PERP: variants seen among roughly 807,000 people sequenced by gnomAD.
PERP encodes p53 apoptosis effector related to PMP22.
PERP carries 11 observed loss-of-function variants against 20.3 expected under a neutral mutation model. The ratio of observed to expected loss-of-function variants is 0.54; its 90% CI spans 0.34 to 0.90. The LOEUF is 0.90. Among genes scored for constraint, PERP ranks in the 40% least tolerant of loss-of-function variants. PERP has a pLI of 0.02. For synonymous variants in PERP, 101 were observed against 102.0 expected, an observed-to-expected ratio of 0.99 and a Z score of 0.06; for missense variants, 224 against 249.4, an observed-to-expected ratio of 0.90 and a Z score of 0.69.
intron 2 of PERP, among the ~76,000 whole-genome samples, chr6:138,096,011 G>A (rs1051056233): frequency 6.6e-6 from 1 of 152,204 alleles, no homozygotes; most frequent in African/African-American, 2.4e-5. Context: ...CAGCAGGCCA[G>A]GGCTGGGGAC....
intron 2 of PERP, 46 bp from the exon 3 acceptor site, chr6:138,092,314 G>T: frequency 6.8e-7 from 1 of 1,477,922 alleles, no homozygotes; most frequent in Non-Finnish European, 9.4e-7. Context: ...ATACATGCAT[G>T]AAGGAATAAA....
rs1032157080 is a variant in PERP, at chr6:138,107,397, C to T, written c.-57G>A. On this transcript the variant is annotated 5_prime_UTR_variant, in exon 1 of 3. Transcript: ENST00000421351. This position sits in a 1 kb window ranked among gnomAD's most constrained non-coding sequence, Gnocchi z 4.8. ...GAGCGGAGCGGGTCGGAGGAGCGCG[C>T]GGGACGGGCGACAGCAGAGAGTGGC... The T allele has an allele frequency of 1.5e-6, 2 of 1,364,088 alleles. No homozygotes were observed. Among genetic ancestry groups the T allele is most frequent in the African/African-American group, 1.5e-5 (1 of 65,858 alleles). 84.5% of individuals were successfully genotyped at this position (1,364,088 alleles called of 1,614,324 possible). A position where few individuals can be genotyped will look rare whatever the true frequency, so the allele number is the denominator to read the frequency against.
intron 1 of PERP, among the ~76,000 whole-genome samples, chr6:138,101,167 G>A (rs1254441072): frequency 1.3e-5 from 2 of 152,164 alleles, no homozygotes; most frequent in East Asian, 1.9e-4. Context: ...TCGGGAGTTC[G>A]AGACCAGCCT....
At chr6:138,106,291 A>C (rs2152011) in intron 1 of PERP, among the ~76,000 whole-genome samples, 66,050 of 151,528 alleles carry the variant, frequency 0.44, 14,624 homozygotes, top group East Asian at 0.71. Context: ...CACCCCCAGG[A>C]AAGGAGAGGG....
intron 2 of PERP, among the ~76,000 whole-genome samples, chr6:138,092,779 A>G (rs774738615): frequency 5.9e-5 from 9 of 152,214 alleles, no homozygotes; most frequent in Non-Finnish European, 1.0e-4. Context: ...CAATAAGTAA[A>G]TGACTAAATG....
rs1775857916 is a variant in PERP at position 138,107,178 on chromosome 6, C to CCCT, written c.162_163insAGG (p.Glu54_Gly55insArg). On this transcript the variant is annotated inframe_insertion, in exon 1 of 3. Transcript: ENST00000421351. The surrounding 1 kb of genome is among the most constrained non-coding windows in gnomAD (Gnocchi z 4.8). ...TCCTCGTAGGACCCGCTGCCGCCGC[C>CCCT]CTCTTGGGAGCATTTCCACCACAGC... 1 of 1,611,766 alleles carries CCCT rather than the reference C, an allele frequency of 6.2e-7. No individual in the cohort carries two copies. Among genetic ancestry groups the CCCT allele is most frequent in the Non-Finnish European group, 8.5e-7 (1 of 1,179,432 alleles).
chr6:138,105,292 C>G (rs1372478432), intron 1 of PERP, among the ~76,000 whole-genome samples: 2 of 152,234 alleles, frequency 1.3e-5, no homozygotes, highest in African/African-American at 4.8e-5. Flanking sequence ...TTCCAAGGAC[C>G]AATTTCTATG....
chr6:138,093,850 T>G (rs894245519), intron 2 of PERP, among the ~76,000 whole-genome samples: 9 of 152,164 alleles, frequency 5.9e-5, no homozygotes, highest in Non-Finnish European at 1.3e-4. Context: ...ACTAAAAGTG[T>G]GTTGAGATTT....
intron 1 of PERP, among the ~76,000 whole-genome samples, chr6:138,097,378 T>C (rs1775709568): frequency 6.6e-6 from 1 of 152,194 alleles, no homozygotes. Flanking sequence ...ACACACAACC[T>C]TTCCTCTAGT....
chr6:138,105,763 A>G (rs1167552484), intron 1 of PERP, among the ~76,000 whole-genome samples: 3 of 152,264 alleles, frequency 2.0e-5, no homozygotes, highest in African/African-American at 4.8e-5. Context: ...GAAGAGACTG[A>G]GTTCAGATGC....
chr6:138,101,678 A>G (rs1211080093), intron 1 of PERP, among the ~76,000 whole-genome samples: 1 of 152,248 alleles, frequency 6.6e-6, no homozygotes, highest in Non-Finnish European at 1.5e-5. Context: ...CAGATTCTTC[A>G]TATTGTTTCT....
intron 1 of PERP, among the ~76,000 whole-genome samples, chr6:138,096,946 G>A (rs1440372215): frequency 6.6e-6 from 1 of 152,138 alleles, no homozygotes; most frequent in Non-Finnish European, 1.5e-5. Context: ...TCATATTAAT[G>A]TTTGGTTCTA....
chr6:138,092,746 A>G (rs561471871), intron 2 of PERP, among the ~76,000 whole-genome samples: 1 of 152,334 alleles, frequency 6.6e-6, no homozygotes, highest in African/African-American at 2.4e-5. Flanking sequence ...GATATTCAAT[A>G]ACACATCACT....
intron 1 of PERP, among the ~76,000 whole-genome samples, chr6:138,105,740 G>A (rs1331221473): frequency 1.3e-5 from 2 of 152,244 alleles, no homozygotes; most frequent in Non-Finnish European, 2.9e-5. Context: ...ACGCAGATCT[G>A]TTAGGTCCCC....
In PERP at chr6:138,089,564, T is replaced by C. The variant is rs1336936966; in HGVS notation, c.*2478A>G. The C allele has an allele frequency of 6.6e-6, 1 of 152,238 alleles. No individual in the cohort carries two copies. Among genetic ancestry groups the C allele is most frequent in the Admixed American group, 6.5e-5 (1 of 15,290 alleles). The allele number at this position is 152,238 out of a possible 1,614,324, so 9.4% of individuals were successfully genotyped here. ...GGGTGGGAACTCAATATTTAATTAC[T>C]GAACCAAAAAGCACCTCAGCTTTAC... On this transcript the variant is annotated 3_prime_UTR_variant, in exon 3 of 3. Coordinates refer to ENST00000421351, the MANE Select transcript of PERP (RefSeq NM_022121.5).
chr6:138,101,409 GAAAAT>G (rs914121771), intron 1 of PERP, among the ~76,000 whole-genome samples: 2 of 152,180 alleles, frequency 1.3e-5, no homozygotes, highest in African/African-American at 2.4e-5. Flanking sequence ...TGAAGCTTGA[GAAAAT>G]AAAATAAACT....
chr6:138,090,843 C>T lies in PERP; in HGVS notation c.*1199G>A, dbSNP rs1775567247. ...TAATGAAAACTACAATTAGCTTTTT[C>T]CACAACTTACAAAATAATAATCTGA... is the stretch of plus-strand genomic sequence containing the variant. On this transcript the variant is annotated 3_prime_UTR_variant, in exon 3 of 3. Coordinates refer to ENST00000421351, the MANE Select transcript of PERP (RefSeq NM_022121.5). The T allele has an allele frequency of 6.6e-6, 1 of 152,412 alleles. No individual in the cohort carries two copies. Among genetic ancestry groups the T allele is most frequent in the Non-Finnish European group, 1.5e-5 (1 of 67,998 alleles). 9.4% of individuals were successfully genotyped at this position (152,412 alleles called of 1,614,324 possible). A position where few individuals can be genotyped will look rare whatever the true frequency, so the allele number is the denominator to read the frequency against.
At chr6:138,105,683 A>T (rs1441652351) in intron 1 of PERP, among the ~76,000 whole-genome samples, 1 of 152,244 alleles carries the variant, frequency 6.6e-6, no homozygotes, top group Non-Finnish European at 1.5e-5. Context: ...GGTCTGCATT[A>T]GTCTTTGGAG....
chr6:138,104,063 TC>T (rs1775810874), intron 1 of PERP, among the ~76,000 whole-genome samples: 1 of 152,188 alleles, frequency 6.6e-6, no homozygotes, highest in Non-Finnish European at 1.5e-5. Flanking sequence ...ACCATTATTC[TC>T]CCCTTGAACA....
Sources: gnomAD v4.1 joint callset for allele counts (sites outside exome capture counted in the v4.1 genomes callset) on GRCh38, gnomAD v4.1.1 for gene constraint, Gnocchi (gnomAD v3.1) non-coding constraint, MANE v1.5 for transcripts, NCBI Gene and HGNC (gene_info 2026-07-23, HGNC 2026-07-21) for gene names.